Variants in ACTR1A observed in about 807,000 individuals in gnomAD.
The protein encoded by ACTR1A is alpha-centractin.
A neutral mutation model predicts 50.7 loss-of-function variants in ACTR1A; 10 were observed. The observed-to-expected ratio is 0.20, with a 90% CI of 0.12 to 0.33. The LOEUF is 0.33. Ranked by LOEUF, ACTR1A falls within the 10% of genes least tolerant of loss-of-function variation. ACTR1A has a pLI of 1.00. For missense variants in ACTR1A, 253 were observed against 491.7 expected (o/e 0.51, Z 4.59); for synonymous variants, 177 against 184.2 (o/e 0.96, Z 0.32).
At chr10:102,501,477 A>G (rs550327723) in intron 1 of ACTR1A, among the ~76,000 whole-genome samples, 2 of 152,368 alleles carry the variant, frequency 1.3e-5, no homozygotes, top group South Asian at 4.1e-4. Context: ...GGACACAGAC[A>G]GGGATCAATC....
intron 1 of ACTR1A, 103 bp downstream of exon 1, chr10:102,502,497 G>C (rs2062263060): frequency 1.5e-6 from 2 of 1,299,352 alleles, no homozygotes; most frequent in African/African-American, 2.9e-5. Flanking sequence ...CTGACAGGCC[G>C]GGCCAGTGAC....
chr10:102,481,940 T>G, intron 8 of ACTR1A, 42 bp from the exon 9 acceptor site: 1 of 1,613,624 alleles, frequency 6.2e-7, no homozygotes. Flanking sequence ...ATTCTCAGGG[T>G]GCCTGGAGCC....
intron 4 of ACTR1A, among the ~76,000 whole-genome samples, chr10:102,487,894 G>C (rs2062176620): frequency 6.6e-6 from 1 of 152,172 alleles, no homozygotes; most frequent in Admixed American, 6.5e-5. Context: ...GCCTCCCAAA[G>C]TGCTGGGATT....
Position 102,481,884 on chromosome 10 carries a change from G to C in ACTR1A, c.940C>G (p.Leu314Val). ...STLFKGFGDR[L>V]LSEVKKLAPK... ...GCTAGTTTCTTCACTTCACTCAGGA[G>C]CCTGTCACCAAAACCTGAATGGGCA... The change falls in exon 9 of 11, where the codon CTC becomes GTC. Residue 314 changes from leucine (L) to valine (V), a missense_variant. By Grantham distance (32) the Leu-to-Val change is conservative. Transcript: ENST00000369905. The C allele has an allele frequency of 6.2e-7, 1 of 1,612,702 alleles. No individual in the cohort carries two copies. The highest frequency in any genetic ancestry group is 8.5e-7 in the Non-Finnish European group (1 of 1,180,034).
intron 1 of ACTR1A, among the ~76,000 whole-genome samples, chr10:102,502,224 C>T (rs879489615): frequency 1.3e-5 from 2 of 152,182 alleles, no homozygotes; most frequent in African/African-American, 4.8e-5. Flanking sequence ...TAGCCTCATC[C>T]GGCAAGGCTA....
At chr10:102,498,337 T>A (rs1373839992) in intron 1 of ACTR1A, among the ~76,000 whole-genome samples, 1 of 149,680 alleles carries the variant, frequency 6.7e-6, no homozygotes, top group Admixed American at 6.6e-5. Flanking sequence ...TTTTTTTTTT[T>A]AAAGGGGGCT....
intron 1 of ACTR1A, among the ~76,000 whole-genome samples, chr10:102,500,233 G>A (rs2135591147): frequency 6.6e-6 from 1 of 152,068 alleles, no homozygotes; most frequent in East Asian, 1.9e-4. Context: ...CAGGAGTTCA[G>A]GACAAGTCTG....
chr10:102,502,575 TATAG>T (rs1564653215), intron 1 of ACTR1A, 21 bp downstream of exon 1: 2 of 1,613,574 alleles, frequency 1.2e-6, no homozygotes, highest in East Asian at 4.5e-5. Flanking sequence ...CAAGTCCCCT[TATAG>T]ATAGGAAAGA....
At chr10:102,486,360 G>C (rs2062168028) in intron 4 of ACTR1A, among the ~76,000 whole-genome samples, 1 of 152,098 alleles carries the variant, frequency 6.6e-6, no homozygotes, top group Admixed American at 6.6e-5. Flanking sequence ...CTAGTCCCTG[G>C]TGCCAGAAAG....
intron 1 of ACTR1A, among the ~76,000 whole-genome samples, chr10:102,495,887 G>A (rs1446041447): frequency 7.3e-6 from 1 of 137,742 alleles, no homozygotes; most frequent in Admixed American, 7.5e-5. Flanking sequence ...TCAGCCTCCC[G>A]AGTAGCTGGG....
intron 1 of ACTR1A, among the ~76,000 whole-genome samples, chr10:102,498,004 T>C (rs991220647): frequency 4.6e-5 from 7 of 151,172 alleles, no homozygotes; most frequent in South Asian, 2.1e-4. Flanking sequence ...GGTGGGAGGA[T>C]TGCTTAAGCT....
chr10:102,479,233 G>T lies in ACTR1A; in HGVS notation c.*1630C>A. ...ACAGACAGATAGAGGCCCAGCTGACGTGTCTATCGGAACGACTTTATTTCA... is the reference window on the plus strand; with the variant it reads ...ACAGACAGATAGAGGCCCAGCTGACTTGTCTATCGGAACGACTTTATTTCA... On this transcript the variant is annotated 3_prime_UTR_variant, in exon 11 of 11. Coordinates refer to ENST00000369905, the MANE Select transcript of ACTR1A (RefSeq NM_005736.4). The surrounding 1 kb of genome is among the most constrained non-coding windows in gnomAD (Gnocchi z 4.0). The T allele has an allele frequency of 1.2e-6, 1 of 826,320 alleles. No individual in the cohort carries two copies. Among genetic ancestry groups the T allele is most frequent in the Non-Finnish European group, 1.7e-6 (1 of 575,690 alleles). 51.2% of individuals were successfully genotyped at this position (826,320 alleles called of 1,614,324 possible).
At position 102,482,194 on chromosome 10, in the gene ACTR1A, G is replaced by C; in HGVS notation, c.751-19C>G. The C allele has an allele frequency of 6.2e-7, 1 of 1,608,718 alleles. No individual in the cohort carries two copies. Among genetic ancestry groups the C allele is most frequent in the Non-Finnish European group, 8.5e-7 (1 of 1,179,904 alleles). ...GACCAATCTGCAGGTAGGAGGGCCA[G>C]CTGAAGAGGTCGGAGCTGGGACCAA... On this transcript the variant is annotated intron_variant, in intron 7 of 10. Coordinates refer to ENST00000369905, the MANE Select transcript of ACTR1A (RefSeq NM_005736.4). This position sits in a 1 kb window ranked among gnomAD's most constrained non-coding sequence, Gnocchi z 5.6.
At chr10:102,500,158 G>T (rs185914216) in intron 1 of ACTR1A, among the ~76,000 whole-genome samples, 170 of 152,358 alleles carry the variant, frequency 1.1e-3, no homozygotes, top group African/African-American at 3.8e-3. Flanking sequence ...TCTGGGCTGG[G>T]TGTGGTGGCT....
Position 102,479,575 on chromosome 10 carries a change from C to G in ACTR1A, c.*1288G>C. On this transcript the variant is annotated 3_prime_UTR_variant, in exon 11 of 11. Transcript: ENST00000369905. The surrounding 1 kb of genome is among the most constrained non-coding windows in gnomAD (Gnocchi z 4.0). ...TTTGGACCACTCCTAGGAGTCAGGCCTGGCTCCATTAGCTCCTGGCACTCT... is the reference window on the plus strand; with the variant it reads ...TTTGGACCACTCCTAGGAGTCAGGCGTGGCTCCATTAGCTCCTGGCACTCT... 1 of 1,284,406 alleles carries G rather than the reference C, an allele frequency of 7.8e-7. No homozygotes were observed. The highest frequency in any genetic ancestry group is 1.0e-6 in the Non-Finnish European group (1 of 984,614). The allele number at this position is 1,284,406 out of a possible 1,614,324, so 79.6% of individuals were successfully genotyped here. A position where few individuals can be genotyped will look rare whatever the true frequency, so the allele number is the denominator to read the frequency against.
In ACTR1A at chr10:102,484,504, A is replaced by G. The variant is rs2062157718; in HGVS notation, c.441-128T>C. On this transcript the variant is annotated intron_variant, in intron 5 of 10. Coordinates refer to ENST00000369905, the MANE Select transcript of ACTR1A (RefSeq NM_005736.4). Reference sequence around the variant, plus strand: ...CCTGCCTCTCTCCAGGGTCTGTAGAATGGACTGGGTACTAAGGAAGCCCAG... The same window carrying G: ...CCTGCCTCTCTCCAGGGTCTGTAGAGTGGACTGGGTACTAAGGAAGCCCAG... 14 of 792,156 alleles carry G rather than the reference A, an allele frequency of 1.8e-5. No homozygotes were observed. In the South Asian group the frequency reaches 1.8e-4, roughly 10 times the overall value. 49.1% of individuals were successfully genotyped at this position (792,156 alleles called of 1,614,324 possible). A position where few individuals can be genotyped will look rare whatever the true frequency, so the allele number is the denominator to read the frequency against.
Position 102,480,684 on chromosome 10 carries a change from T to G in ACTR1A, c.*179A>C. 1.6e-6 allele frequency: 1 copy of G among 625,388 alleles called. No homozygotes were observed. Among genetic ancestry groups the G allele is most frequent in the Admixed American group, 2.6e-5 (1 of 38,966 alleles). The allele number at this position is 625,388 out of a possible 1,614,324, so 38.7% of individuals were successfully genotyped here. A position where few individuals can be genotyped will look rare whatever the true frequency, so the allele number is the denominator to read the frequency against. The stretch of plus-strand genomic sequence containing the variant: ...GGCCTCAGGCCATCACCACTGCAGG[T>G]AGTTCATCGTCCTTTCTGGGCCCAG... On this transcript the variant is annotated 3_prime_UTR_variant, in exon 11 of 11. Transcript: ENST00000369905.
At chr10:102,502,193 G>A (rs921647322) in intron 1 of ACTR1A, among the ~76,000 whole-genome samples, 1 of 152,350 alleles carries the variant, frequency 6.6e-6, no homozygotes, top group African/African-American at 2.4e-5. Context: ...GCAGGGGCGT[G>A]AGCCAATCAC....
Position 102,488,056 on chromosome 10 carries a change from G to T in ACTR1A, c.315+94C>A. 1 of 1,450,462 alleles carries T rather than the reference G, an allele frequency of 6.9e-7. No homozygotes were observed. Among genetic ancestry groups the T allele is most frequent in the Non-Finnish European group, 9.5e-7 (1 of 1,051,968 alleles). The allele number at this position is 1,450,462 out of a possible 1,614,324, so 89.8% of individuals were successfully genotyped here. A position where few individuals can be genotyped will look rare whatever the true frequency, so the allele number is the denominator to read the frequency against. Reference sequence around the variant, plus strand: ...AAAATCAAATGGCTCCAGCACTCTTGGCAGTGATCATCGTCCTCCTCATCA... The same window carrying T: ...AAAATCAAATGGCTCCAGCACTCTTTGCAGTGATCATCGTCCTCCTCATCA... On this transcript the variant is annotated intron_variant, in intron 4 of 10. Transcript: ENST00000369905. This position sits in a 1 kb window ranked among gnomAD's most constrained non-coding sequence, Gnocchi z 4.4.
Sources: gnomAD v4.1 joint callset for allele counts (sites outside exome capture counted in the v4.1 genomes callset) on GRCh38, gnomAD v4.1.1 for gene constraint, Gnocchi (gnomAD v3.1) non-coding constraint, MANE v1.5 for transcripts, NCBI Gene and HGNC (gene_info 2026-07-23, HGNC 2026-07-21) for gene names.